Variants in SLC44A5 observed in about 807,000 individuals in gnomAD.
The protein encoded by SLC44A5 is choline transporter-like protein 5.
In SLC44A5, 57 loss-of-function variants were observed where a neutral mutation model predicts 101.8. The observed-to-expected ratio is 0.56, with a 90% CI of 0.45 to 0.70. SLC44A5 has a LOEUF of 0.70. SLC44A5 is among the 30% of genes least tolerant of loss of function. The pLI is 0.00. For synonymous variants in SLC44A5, 281 were observed against 290.9 expected, an observed-to-expected ratio of 0.97 and a Z score of 0.35; for missense variants, 737 against 853.1, an observed-to-expected ratio of 0.86 and a Z score of 1.70.
intron 2 of SLC44A5, among the ~76,000 whole-genome samples, chr1:75,522,479 T>C (rs77646906): frequency 0.077 from 11,736 of 152,194 alleles, 634 homozygotes; most frequent in Middle Eastern, 0.13. Context: ...ATCTTATCTC[T>C]CTGCTTTTCC....
chr1:75,237,435 C>G (rs1648194802), intron 10 of SLC44A5, among the ~76,000 whole-genome samples: 1 of 152,004 alleles, frequency 6.6e-6, no homozygotes, highest in Non-Finnish European at 1.5e-5. Context: ...ATCTTTAATT[C>G]CTCTTCCTAA....
the SLC44A5 span, among the ~76,000 whole-genome samples, chr1:75,634,555 A>C: frequency 6.6e-6 from 1 of 151,394 alleles, no homozygotes; most frequent in Non-Finnish European, 1.5e-5. Context: ...AAAAACAAGC[A>C]ATGGGGAAAG....
intron 6 of SLC44A5, among the ~76,000 whole-genome samples, chr1:75,256,885 G>T (rs1048743778): frequency 6.6e-6 from 1 of 152,112 alleles, no homozygotes; most frequent in African/African-American, 2.4e-5. Flanking sequence ...GGGTGAAGGG[G>T]ATCAGTAAGA....
chr1:75,598,683 C>A (rs1178467959), intron 1 of SLC44A5, among the ~76,000 whole-genome samples: 1 of 152,106 alleles, frequency 6.6e-6, no homozygotes, highest in African/African-American at 2.4e-5. Flanking sequence ...GACAGAAAAC[C>A]AAATACTGAG....
chr1:75,300,574 G>T, intron 5 of SLC44A5, 38 bp downstream of exon 5: 1 of 1,332,034 alleles, frequency 7.5e-7, no homozygotes, highest in Non-Finnish European at 1.1e-6. Flanking sequence ...TATTCCATTA[G>T]CAAGTGTTAA....
chr1:75,539,223 A>T (rs1339536815), intron 2 of SLC44A5, among the ~76,000 whole-genome samples: 2 of 152,220 alleles, frequency 1.3e-5, no homozygotes, highest in African/African-American at 4.8e-5. Context: ...CTTTTTTCAC[A>T]TATCAAAATT....
Position 75,203,656 on chromosome 1 carries a change from A to T in SLC44A5, c.*71T>A. 1 of 1,480,722 alleles carries T rather than the reference A, an allele frequency of 6.8e-7. No homozygotes were observed. The allele number at this position is 1,480,722 out of a possible 1,614,324, so 91.7% of individuals were successfully genotyped here. ...GTTGCTAAACACAAAGCACTTATGA[A>T]ACAAATGTTGCACAGACACAGCAGA... On this transcript the variant is annotated 3_prime_UTR_variant, in exon 24 of 24. Coordinates refer to ENST00000370859, the MANE Select transcript of SLC44A5 (RefSeq NM_001130058.2).
intron 3 of SLC44A5, among the ~76,000 whole-genome samples, chr1:75,389,026 GC>G (rs1487614545): frequency 6.6e-6 from 1 of 151,948 alleles, no homozygotes; most frequent in Non-Finnish European, 1.5e-5. Context: ...AGCAGGAGTG[GC>G]TATTCTTGTA....
chr1:75,583,908 G>A (rs1673846789), intron 1 of SLC44A5, among the ~76,000 whole-genome samples: 1 of 152,146 alleles, frequency 6.6e-6, no homozygotes, highest in Admixed American at 6.5e-5. Flanking sequence ...CCAGTTGGTG[G>A]TCCGGCCAAT....
intron 17 of SLC44A5, 65 bp downstream of exon 17, chr1:75,218,425 G>T: frequency 6.3e-7 from 1 of 1,574,812 alleles, no homozygotes; most frequent in South Asian, 1.1e-5. Flanking sequence ...AATGAGCCAA[G>T]ACTGAATTAC....
intron 2 of SLC44A5, among the ~76,000 whole-genome samples, chr1:75,532,818 T>G (rs531416585): frequency 6.6e-6 from 1 of 152,150 alleles, no homozygotes; most frequent in Non-Finnish European, 1.5e-5. Context: ...GGTGGGCAGA[T>G]AGCCTGAGCT....
intron 13 of SLC44A5, 90 bp from the exon 14 acceptor site, chr1:75,222,550 T>G (rs928477286): frequency 4.0e-6 from 3 of 742,438 alleles, no homozygotes; most frequent in Non-Finnish European, 6.8e-6. Context: ...ACTTTATGAT[T>G]ATTTCTGCCA....
chr1:75,721,023 C>A, the SLC44A5 span, among the ~76,000 whole-genome samples: 11 of 152,036 alleles, frequency 7.2e-5, no homozygotes, highest in Non-Finnish European at 1.5e-4. Context: ...GCAAAGGAAG[C>A]CTTCAGGTGA....
intron 3 of SLC44A5, among the ~76,000 whole-genome samples, chr1:75,365,367 T>C (rs1430447835): frequency 6.6e-6 from 1 of 152,172 alleles, no homozygotes; most frequent in Non-Finnish European, 1.5e-5. Context: ...TTCTCCTCTA[T>C]GTGTCTAAGT....
rs147520014 is a variant in SLC44A5, at chr1:75,234,217, G to C, written c.741-119C>G. On this transcript the variant is annotated intron_variant, in intron 11 of 23. Transcript: ENST00000370859. ...TTCTTAAATTCTTTTATTTTACCTG[G>C]CTATAGAAACATTAATAATGTTAAA... 126 of 693,058 alleles carry C rather than the reference G, an allele frequency of 1.8e-4. No individual in the cohort carries two copies. In the African/African-American group the frequency reaches 1.9e-3, roughly 10 times the overall value. 42.9% of individuals were successfully genotyped at this position (693,058 alleles called of 1,614,324 possible).
chr1:75,623,487 TC>T, the SLC44A5 span, among the ~76,000 whole-genome samples: 1 of 152,104 alleles, frequency 6.6e-6, no homozygotes, highest in African/African-American at 2.4e-5. Context: ...TCACACTTCT[TC>T]AACTACATTT....
At chr1:75,411,237 G>C (rs972321224) in intron 2 of SLC44A5, among the ~76,000 whole-genome samples, 1 of 152,064 alleles carries the variant, frequency 6.6e-6, no homozygotes, top group Non-Finnish European at 1.5e-5. Flanking sequence ...TTAGAGAGTT[G>C]AGAAGGAAGA....
intron 3 of SLC44A5, among the ~76,000 whole-genome samples, chr1:75,360,987 T>G (rs1332766900): frequency 1.3e-5 from 2 of 152,190 alleles, no homozygotes; most frequent in South Asian, 4.1e-4. Context: ...ATTTTTGGCA[T>G]CAGTGTTTAC....
chr1:75,215,383 A>G (rs187483563), intron 19 of SLC44A5, among the ~76,000 whole-genome samples: 28 of 152,288 alleles, frequency 1.8e-4, no homozygotes, highest in African/African-American at 6.7e-4. Flanking sequence ...CTTCTTTAAA[A>G]TTATGTAAAT....
Sources: allele counts gnomAD v4.1 joint callset (sites outside exome capture counted in the v4.1 genomes callset), GRCh38; gene constraint gnomAD v4.1.1; transcripts MANE v1.5; gene names NCBI Gene and HGNC (gene_info 2026-07-23, HGNC 2026-07-21).